Variants in DST observed in about 807,000 individuals in gnomAD.
DST encodes the protein bullous pemphigoid antigen.
In DST, 253 loss-of-function variants were observed where a neutral mutation model predicts 875.2. That is an observed-to-expected ratio of 0.29 (90% confidence interval 0.26 to 0.32). The LOEUF (loss-of-function observed/expected upper bound fraction) is 0.32. DST is among the 10% of genes least tolerant of loss of function. DST has a pLI of 1.00. For synonymous variants in DST, 3,124 were observed against 3,197.1 expected, an observed-to-expected ratio of 0.98 and a Z score of 0.77; for missense variants, 8,287 against 9,111.6, an observed-to-expected ratio of 0.91 and a Z score of 3.68.
chr6:56,615,919 C>T, intron 36 of DST: 1 of 1,614,236 alleles, frequency 6.2e-7, no homozygotes, highest in Non-Finnish European at 8.5e-7. Context: ...ACTGTCGCAG[C>T]TGCTGGGCAA....
chr6:56,946,309 T>G (rs1819459502), intron 2 of DST, among the ~76,000 whole-genome samples: 1 of 152,222 alleles, frequency 6.6e-6, no homozygotes, highest in South Asian at 2.1e-4. Flanking sequence ...AAATCATTGG[T>G]GACCTAAGTG....
chr6:56,898,507 G>T (rs1157466714), intron 3 of DST, among the ~76,000 whole-genome samples: 1 of 152,158 alleles, frequency 6.6e-6, no homozygotes, highest in Non-Finnish European at 1.5e-5. Context: ...AAGAAGCAAA[G>T]AATTAGCTAG....
At chr6:56,627,553 C>T (rs897891534) in intron 33 of DST, among the ~76,000 whole-genome samples, 2 of 152,244 alleles carry the variant, frequency 1.3e-5, no homozygotes, top group South Asian at 2.1e-4. Context: ...TTGGCCACCA[C>T]CTATTTCTGA....
chr6:56,501,518 A>AC lies in DST; in HGVS notation c.19740+1dup. ...TTTCTTAAGAAAAGTCTTGGTATTTACCTGTCTGTTGATGATTCTCTCCTC... is the reference window on the plus strand; with the variant it reads ...TTTCTTAAGAAAAGTCTTGGTATTTACCCTGTCTGTTGATGATTCTCTCCTC... On this transcript the variant is annotated splice_donor_variant, in intron 79 of 103. Transcript: ENST00000680361. LOFTEE classifies it high-confidence loss of function. The AC allele has an allele frequency of 6.5e-7, 1 of 1,540,868 alleles. No homozygotes were observed. The highest frequency in any genetic ancestry group is 8.7e-7 in the Non-Finnish European group (1 of 1,144,748).
chr6:56,492,811 G>T, intron 84 of DST, 123 bp downstream of exon 84: 1 of 837,768 alleles, frequency 1.2e-6, no homozygotes. Context: ...GGCAGAGGTT[G>T]AAGTAAGCCA....
At chr6:56,651,337 G>A (rs2098974735) in intron 10 of DST, 93 bp from the exon 11 acceptor site, 1 of 686,916 alleles carries the variant, frequency 1.5e-6, no homozygotes, top group East Asian at 2.8e-5. Flanking sequence ...AACAACATCT[G>A]CTAATATTAA....
chr6:56,701,861 G>A, intron 8 of DST, 27 bp downstream of exon 8: 1 of 1,375,064 alleles, frequency 7.3e-7, no homozygotes, highest in East Asian at 2.3e-5. Flanking sequence ...ATATTTATAT[G>A]ATTACAGTAT....
At chr6:56,759,374 C>T (rs1355937265) in intron 4 of DST, among the ~76,000 whole-genome samples, 2 of 151,982 alleles carry the variant, frequency 1.3e-5, no homozygotes, top group East Asian at 3.9e-4. Context: ...TTGCTTTAAT[C>T]GGGGAGGCAG....
At chr6:56,783,304 G>T in intron 4 of DST, among the ~76,000 whole-genome samples, 1 of 152,118 alleles carries the variant, frequency 6.6e-6, no homozygotes. Context: ...TCATTGATCT[G>T]TCTAATGTTG....
chr6:56,801,086 T>G (rs2099746219), intron 4 of DST, among the ~76,000 whole-genome samples: 1 of 151,982 alleles, frequency 6.6e-6, no homozygotes, highest in African/African-American at 2.4e-5. Context: ...TTTAATCTGT[T>G]CGGTTGTCTT....
In DST at chr6:56,640,226, A is replaced by G; in HGVS notation, c.2407T>C (p.Ser803Pro). Reference sequence around the variant, plus strand: ...TCTGTTAAATTTTGATCCAGCAAAGAAGACTTTAGAAGGGGTTTTCGGATC... The same window carrying G: ...TCTGTTAAATTTTGATCCAGCAAAGGAGACTTTAGAAGGGGTTTTCGGATC... Reference protein sequence around the residue: ...MQIRKPLLKSSLLDQNLTEEE... With the variant: ...MQIRKPLLKSPLLDQNLTEEE... Residue 803 changes from serine to proline, a missense_variant, in exon 18 of 104, where the codon TCT (serine) becomes CCT (proline). By Grantham distance (74) the Ser-to-Pro change is moderately conservative. Transcript: ENST00000680361. 6.2e-7 allele frequency: 1 copy of G among 1,614,198 alleles called. No individual in the cohort carries two copies. Among genetic ancestry groups the G allele is most frequent in the Non-Finnish European group, 8.5e-7 (1 of 1,180,030 alleles).
At chr6:56,598,184 T>G (rs1467099007) in intron 46 of DST, among the ~76,000 whole-genome samples, 178 bp from the exon 47 acceptor site, 4 of 152,190 alleles carry the variant, frequency 2.6e-5, no homozygotes, top group Admixed American at 2.6e-4. Flanking sequence ...TACTTTGAAG[T>G]TTCCCCTGTT....
At chr6:56,766,789 C>T (rs938825293) in intron 4 of DST, among the ~76,000 whole-genome samples, 3 of 152,182 alleles carry the variant, frequency 2.0e-5, no homozygotes, top group Admixed American at 6.5e-5. Flanking sequence ...CCTCAATCTC[C>T]CAAAGTGCTG....
rs148013834 is a variant in DST at position 56,767,614 on chromosome 6, C to CAAAT, written c.626-32329_626-32326dup. 5.1e-3 allele frequency among the ~76,000 whole-genome samples: 727 copies of CAAAT among 142,436 alleles called. 6 individuals are homozygous for CAAAT. The highest frequency in any genetic ancestry group is 7.9e-3 in the Admixed American group (112 of 14,224). The allele number at this position is 142,436 out of a possible 152,430, so 93.4% of individuals were successfully genotyped here. On this transcript the variant is annotated intron_variant, in intron 4 of 103. Coordinates refer to ENST00000680361, the MANE Select transcript of DST (RefSeq NM_001374736.1). ...TGGGTGACAGAGCAAGACCCTGTCT[C>CAAAT]AAATAAATAAATAAATAAATAAATA... is the stretch of plus-strand genomic sequence containing the variant.
At chr6:56,670,051 G>C (rs1039352477) in intron 10 of DST, among the ~76,000 whole-genome samples, 4 of 151,938 alleles carry the variant, frequency 2.6e-5, no homozygotes, top group Non-Finnish European at 4.4e-5. Context: ...CAGTTCTTTA[G>C]AGGCAAAATC....
At chr6:56,524,275 C>T (rs992464246) in intron 69 of DST, among the ~76,000 whole-genome samples, 1 of 151,254 alleles carries the variant, frequency 6.6e-6, no homozygotes, top group Non-Finnish European at 1.5e-5. Flanking sequence ...TCTATTCTTA[C>T]GTTTCCCTAC....
rs1020767837 is a variant in DST, at chr6:56,714,413, C to T, written c.688-10044G>A. Among the ~76,000 whole-genome samples the T allele has an allele frequency of 2.0e-5, 3 of 152,176 alleles. No homozygotes were observed. The highest frequency in any genetic ancestry group is 2.1e-4 in the South Asian group (1 of 4,826). Reference sequence around the variant, plus strand: ...ATTCTAGTCTACTCAACAGAGATCTCCGGACCACAGATGCTTAAAAACTAG... The same window carrying T: ...ATTCTAGTCTACTCAACAGAGATCTTCGGACCACAGATGCTTAAAAACTAG... On this transcript the variant is annotated intron_variant, in intron 5 of 103. Coordinates refer to ENST00000680361, the MANE Select transcript of DST (RefSeq NM_001374736.1). This position sits in a 1 kb window ranked among gnomAD's most constrained non-coding sequence, Gnocchi z 4.5.
intron 3 of DST, chr6:56,852,046 A>C: frequency 7.0e-7 from 1 of 1,422,454 alleles, no homozygotes; most frequent in Non-Finnish European, 9.1e-7. Context: ...AGTTTCGAAA[A>C]CAAAGCACAA....
chr6:56,567,785 A>G (rs1011052814), intron 55 of DST, among the ~76,000 whole-genome samples: 1 of 152,204 alleles, frequency 6.6e-6, no homozygotes, highest in Non-Finnish European at 1.5e-5. Flanking sequence ...GAAAAAAGAT[A>G]TCAGAGCTGC....
Sources: gnomAD v4.1 joint callset for allele counts (sites outside exome capture counted in the v4.1 genomes callset) on GRCh38, gnomAD v4.1.1 for gene constraint, Gnocchi (gnomAD v3.1) non-coding constraint, MANE v1.5 for transcripts, NCBI Gene and HGNC (gene_info 2026-07-23, HGNC 2026-07-21) for gene names.